Variants in ASPSCR1 observed in about 807,000 individuals in gnomAD.
ASPSCR1 encodes the protein tether containing UBX domain for GLUT4.
Under a neutral mutation model 68.9 loss-of-function variants are expected in ASPSCR1, and 55 were observed. The ratio of observed to expected loss-of-function variants is 0.80; its 90% CI spans 0.64 to 1.00. ASPSCR1 has a LOEUF of 1.00. ASPSCR1 is among the 50% of genes least tolerant of loss of function. ASPSCR1 has a pLI of 0.00. For synonymous variants in ASPSCR1, 352 were observed against 332.6 expected, an observed-to-expected ratio of 1.06 and a Z score of -0.63; for missense variants, 765 against 762.2, an observed-to-expected ratio of 1.00 and a Z score of -0.04.
intron 7 of ASPSCR1, among the ~76,000 whole-genome samples, chr17:82,003,517 A>G (rs2042606183): frequency 6.6e-6 from 1 of 152,202 alleles, no homozygotes. Flanking sequence ...ACTCGCTGGC[A>G]GGCCCGGGCC....
chr17:81,996,235 C>T (rs536732020), intron 6 of ASPSCR1, among the ~76,000 whole-genome samples, 170 bp downstream of exon 6: 2 of 152,130 alleles, frequency 1.3e-5, no homozygotes, highest in African/African-American at 4.8e-5. Flanking sequence ...GCTGGGCTGC[C>T]CCGACCTCAT....
In ASPSCR1 at chr17:82,015,485, C is replaced by T. The variant is rs2043091779; in HGVS notation, c.1354-991C>T. ...GTCCTGCCCGCCCCTTTCTGTGCGT[C>T]CCGTGGGGCAGTGCTGGTTGGGGGT... On this transcript the variant is annotated intron_variant, in intron 12 of 15. Coordinates refer to ENST00000306739, the MANE Select transcript of ASPSCR1 (RefSeq NM_024083.4). 7.3e-6 allele frequency: 9 copies of T among 1,238,108 alleles called. No homozygotes were observed. The South Asian group carries it at 1.2e-4, about 17-fold the overall frequency. 76.7% of individuals were successfully genotyped at this position (1,238,108 alleles called of 1,614,324 possible).
In ASPSCR1 at chr17:82,016,502, G is replaced by T. The variant is rs917520120; in HGVS notation, c.1380G>T (p.Val460=). Residue 460 remains valine (V), a synonymous_variant, in exon 13 of 16, where the codon GTG becomes GTT. Coordinates refer to ENST00000306739, the MANE Select transcript of ASPSCR1 (RefSeq NM_024083.4). ...FQANLFPAAL[V]HLGAEEPAGV... ...CGAACCTCTTCCCGGCCGCTCTGGTGCACTTGGGAGCCGAGGAGCCGGCAG... is the reference window on the plus strand; with the variant it reads ...CGAACCTCTTCCCGGCCGCTCTGGTTCACTTGGGAGCCGAGGAGCCGGCAG... 4 of 1,549,192 alleles carry T rather than the reference G, an allele frequency of 2.6e-6. No individual in the cohort carries two copies. Among genetic ancestry groups the T allele is most frequent in the Middle Eastern group, 2.1e-4 (1 of 4,690 alleles).
rs2042473359 is a variant in ASPSCR1, at chr17:81,999,913, C to T, written c.933+3067C>T. ...GGGTCCAGCCCCTCTGTTTTCTGTC[C>T]CCCTGGCTGTCCTGGGACTGTTCCT... On this transcript the variant is annotated intron_variant, in intron 7 of 15. Transcript: ENST00000306739. The surrounding 1 kb of genome is among the most constrained non-coding windows in gnomAD (Gnocchi z 4.4). 6.6e-6 allele frequency among the ~76,000 whole-genome samples: 1 copy of T among 152,208 alleles called. No homozygotes were observed. The highest frequency in any genetic ancestry group is 2.4e-5 in the African/African-American group (1 of 41,456).
intron 11 of ASPSCR1, 121 bp from the exon 12 acceptor site, chr17:82,012,110 G>C (rs772181461): frequency 2.5e-6 from 3 of 1,199,572 alleles, no homozygotes; most frequent in South Asian, 2.5e-5. Flanking sequence ...GGGCGTGCTC[G>C]TGAGGGGCTC....
chr17:81,993,720 C>G (rs550754113), intron 4 of ASPSCR1, among the ~76,000 whole-genome samples: 9 of 152,392 alleles, frequency 5.9e-5, no homozygotes, highest in Admixed American at 5.2e-4. Context: ...CCAGTACCCC[C>G]CATCCCGGAG....
At position 81,987,493 on chromosome 17, in the gene ASPSCR1, G is replaced by T. The variant is rs1056644627; in HGVS notation, c.374+1886G>T. ...GAATCCAGTGCTCCCACAGGCACAG[G>T]TGCTTGGTGAGGGCCGTCCTCCCTG... On this transcript the variant is annotated intron_variant, in intron 4 of 15. Coordinates refer to ENST00000306739, the MANE Select transcript of ASPSCR1 (RefSeq NM_024083.4). The surrounding 1 kb of genome is among the most constrained non-coding windows in gnomAD (Gnocchi z 5.6). Among the ~76,000 whole-genome samples the T allele has an allele frequency of 2.0e-5, 3 of 152,222 alleles. No individual in the cohort carries two copies. The highest frequency in any genetic ancestry group is 4.8e-5 in the African/African-American group (2 of 41,448).
At chr17:81,997,035 G>A (rs920994017) in intron 7 of ASPSCR1, among the ~76,000 whole-genome samples, 189 bp downstream of exon 7, 5 of 124,144 alleles carry the variant, frequency 4.0e-5, no homozygotes, top group African/African-American at 2.0e-4. Flanking sequence ...GAATTTAGGG[G>A]TAAGCAGGTG....
Position 81,983,446 on chromosome 17 carries a change from G to T in ASPSCR1, c.159-108G>T. ...GGAGCTGCCACAGGACGTGGATGGC[G>T]GGGCGTGGATGGCGGGGCGTGGATG... On this transcript the variant is annotated intron_variant, in intron 2 of 15. Coordinates refer to ENST00000306739, the MANE Select transcript of ASPSCR1 (RefSeq NM_024083.4). The surrounding 1 kb of genome is among the most constrained non-coding windows in gnomAD (Gnocchi z 4.4). 1.1e-6 allele frequency: 1 copy of T among 874,672 alleles called. No individual in the cohort carries two copies. The highest frequency in any genetic ancestry group is 1.6e-5 in the South Asian group (1 of 63,984). 54.2% of individuals were successfully genotyped at this position (874,672 alleles called of 1,614,324 possible). A position where few individuals can be genotyped will look rare whatever the true frequency, so the allele number is the denominator to read the frequency against.
rs869273858 is a variant in ASPSCR1, at chr17:81,999,626, CAAAA to C, written c.933+2795_933+2798del. Among the ~76,000 whole-genome samples, 2 of 72,000 alleles carry C rather than the reference CAAAA, an allele frequency of 2.8e-5. No individual in the cohort carries two copies. The highest frequency in any genetic ancestry group is 5.8e-5 in the Non-Finnish European group (2 of 34,502). 47.2% of individuals were successfully genotyped at this position (72,000 alleles called of 152,430 possible). ...CGGGTGACAGAGTGAAACTCCATCTCAAAAAAAAAAAAAAAAAAGAAAACAAGAA... is the reference window on the plus strand; with the variant it reads ...CGGGTGACAGAGTGAAACTCCATCTCAAAAAAAAAAAAAAGAAAACAAGAA... On this transcript the variant is annotated intron_variant, in intron 7 of 15. Coordinates refer to ENST00000306739, the MANE Select transcript of ASPSCR1 (RefSeq NM_024083.4). The surrounding 1 kb of genome is among the most constrained non-coding windows in gnomAD (Gnocchi z 4.4).
chr17:82,014,016 T>C (rs557234731), intron 12 of ASPSCR1: 1 of 152,370 alleles, frequency 6.6e-6, no homozygotes, highest in South Asian at 2.1e-4. Context: ...CTTCCTTCCA[T>C]TGGCTTTGGC....
intron 12 of ASPSCR1, chr17:82,015,099 C>G (rs867217268): frequency 1.9e-6 from 3 of 1,598,100 alleles, no homozygotes; most frequent in Non-Finnish European, 2.5e-6. Flanking sequence ...CCGGGTGGCT[C>G]CATTCACCCT....
chr17:81,984,385 C>T (rs773204104), intron 3 of ASPSCR1, among the ~76,000 whole-genome samples: 6 of 151,996 alleles, frequency 3.9e-5, no homozygotes, highest in South Asian at 2.1e-4. Context: ...TGGGACCAGC[C>T]GGCCAACATA....
At position 81,986,778 on chromosome 17, in the gene ASPSCR1, G is replaced by A. The variant is rs1461879500; in HGVS notation, c.374+1171G>A. Among the ~76,000 whole-genome samples the A allele has an allele frequency of 7.7e-6, 1 of 130,104 alleles. No individual in the cohort carries two copies. The highest frequency in any genetic ancestry group is 7.1e-5 in the Admixed American group (1 of 14,068). The allele number at this position is 130,104 out of a possible 152,430, so 85.4% of individuals were successfully genotyped here. A position where few individuals can be genotyped will look rare whatever the true frequency, so the allele number is the denominator to read the frequency against. ...GGGAAGGTGACTGTGCGTTGGGCGCGCTTGGTGGCCCCAGGGCTGGGCCTG... is the reference window on the plus strand; with the variant it reads ...GGGAAGGTGACTGTGCGTTGGGCGCACTTGGTGGCCCCAGGGCTGGGCCTG... On this transcript the variant is annotated intron_variant, in intron 4 of 15. Transcript: ENST00000306739. The surrounding 1 kb of genome is among the most constrained non-coding windows in gnomAD (Gnocchi z 5.2).
chr17:81,982,031 C>T (rs546166014), intron 2 of ASPSCR1, among the ~76,000 whole-genome samples: 9 of 150,832 alleles, frequency 6.0e-5, no homozygotes, highest in East Asian at 2.0e-4. Context: ...TGCAATGGCG[C>T]GATCTTGGCA....
chr17:81,984,842 T>TGCACACACCCC (rs2041917186), intron 3 of ASPSCR1, among the ~76,000 whole-genome samples: 2 of 15,194 alleles, frequency 1.3e-4, no homozygotes, highest in Admixed American at 9.2e-4. Context: ...CACACACCCC[T>TGCACACACCCC]GCACACACCC....
chr17:82,015,613 G>A (rs2144106203), intron 12 of ASPSCR1: 3 of 555,388 alleles, frequency 5.4e-6, no homozygotes, highest in South Asian at 2.1e-5. Flanking sequence ...GATGGGGCTG[G>A]CCAGGGCTCC....
chr17:82,013,024 A>T (rs2043002304), intron 12 of ASPSCR1: 1 of 152,106 alleles, frequency 6.6e-6, no homozygotes, highest in African/African-American at 2.4e-5. Context: ...AAGTGGCCAC[A>T]GGCCTCTACA....
chr17:81,995,083 T>G, intron 5 of ASPSCR1: 1 of 550,714 alleles, frequency 1.8e-6, no homozygotes, highest in Non-Finnish European at 3.2e-6. Context: ...CCCTGTTTGT[T>G]TTTTCAGCTT....
Sources: allele counts gnomAD v4.1 joint callset (sites outside exome capture counted in the v4.1 genomes callset), GRCh38; gene constraint gnomAD v4.1.1; non-coding constraint Gnocchi (gnomAD v3.1); transcripts MANE v1.5; gene names NCBI Gene and HGNC (gene_info 2026-07-23, HGNC 2026-07-21).